Variants in EXOC6B observed in about 807,000 individuals in gnomAD.
The protein encoded by EXOC6B is SEC15 homolog B.
EXOC6B carries 54 observed loss-of-function variants against 113.5 expected under a neutral mutation model. That is an observed-to-expected ratio of 0.48 (90% CI 0.38 to 0.60). The LOEUF is 0.60. EXOC6B is among the 20% of genes least tolerant of loss of function. The pLI, the probability that EXOC6B is intolerant of heterozygous loss-of-function variation, is 0.00. For synonymous variants in EXOC6B, 357 were observed against 339.0 expected (o/e 1.05, Z -0.58); for missense variants, 797 against 977.5 (o/e 0.82, Z 2.46).
chr2:72,674,910 T>C (rs752767698), intron 6 of EXOC6B, among the ~76,000 whole-genome samples: 4 of 152,228 alleles, frequency 2.6e-5, no homozygotes, highest in Non-Finnish European at 4.4e-5. Context: ...ATACACAGTG[T>C]CAATGTAACT....
intron 6 of EXOC6B, among the ~76,000 whole-genome samples, chr2:72,660,088 C>T (rs1164800921): frequency 6.9e-6 from 1 of 144,882 alleles, no homozygotes; most frequent in Non-Finnish European, 1.5e-5. Context: ...CATCAATCCT[C>T]TTTTTTTTTT....
intron 17 of EXOC6B, among the ~76,000 whole-genome samples, chr2:72,478,101 T>G (rs1373863476): frequency 2.0e-5 from 3 of 152,186 alleles, no homozygotes; most frequent in African/African-American, 7.2e-5. Flanking sequence ...GGGTGTCTTC[T>G]CTGTAAATCA....
At chr2:72,321,738 C>T (rs780981811) in intron 20 of EXOC6B, among the ~76,000 whole-genome samples, 6 of 151,788 alleles carry the variant, frequency 4.0e-5, no homozygotes, top group African/African-American at 9.7e-5. Context: ...CAGTAGAGGG[C>T]GAAGAGTCAT....
intron 18 of EXOC6B, among the ~76,000 whole-genome samples, chr2:72,412,271 G>A (rs1420596164): frequency 6.6e-6 from 1 of 152,164 alleles, no homozygotes; most frequent in East Asian, 1.9e-4. Flanking sequence ...ATAGGCTGAA[G>A]GAAAATTAGG....
chr2:72,234,965 T>C (rs1235126258), intron 20 of EXOC6B, among the ~76,000 whole-genome samples: 1 of 152,170 alleles, frequency 6.6e-6, no homozygotes, highest in Non-Finnish European at 1.5e-5. Context: ...GTAAATTAGT[T>C]CAGCCATTGT....
At chr2:72,578,214 G>A (rs1018064943) in intron 6 of EXOC6B, among the ~76,000 whole-genome samples, 1 of 151,966 alleles carries the variant, frequency 6.6e-6, no homozygotes, top group Non-Finnish European at 1.5e-5. Flanking sequence ...ACCTAATACA[G>A]CCAGGCTCTT....
chr2:72,447,648 A>G (rs999105726), intron 18 of EXOC6B, among the ~76,000 whole-genome samples: 1 of 152,200 alleles, frequency 6.6e-6, no homozygotes, highest in Non-Finnish European at 1.5e-5. Context: ...TCTATTAATA[A>G]TAATGCAACC....
At chr2:72,492,458 T>C (rs1284470473) in intron 15 of EXOC6B, 29 bp from the exon 16 acceptor site, 1 of 1,421,070 alleles carries the variant, frequency 7.0e-7, no homozygotes, top group Non-Finnish European at 9.9e-7. Context: ...GAGTCAGTCA[T>C]AGCAGGTAGC....
At chr2:72,611,234 C>G (rs1168002700) in intron 6 of EXOC6B, among the ~76,000 whole-genome samples, 5 of 151,930 alleles carry the variant, frequency 3.3e-5, no homozygotes, top group African/African-American at 1.2e-4. Flanking sequence ...CATGGTGGCA[C>G]ATGCCTATAA....
rs111332882 is a variant in EXOC6B at position 72,580,193 on chromosome 2, G to A, written c.670-4525C>T. Among the ~76,000 whole-genome samples, 457 of 138,502 alleles carry A rather than the reference G, an allele frequency of 3.3e-3. 2 individuals carry two copies. Among genetic ancestry groups the A allele is most frequent in the African/African-American group, 0.012 (433 of 36,122 alleles). 90.9% of individuals were successfully genotyped at this position (138,502 alleles called of 152,430 possible). A position where few individuals can be genotyped will look rare whatever the true frequency, so the allele number is the denominator to read the frequency against. The stretch of plus-strand genomic sequence containing the variant: ...GGGTCTCACTGTCATCCAGGCTAGA[G>A]TGCAGTGGCGCGATATCGGCTCACT... On this transcript the variant is annotated intron_variant, in intron 6 of 21. Coordinates refer to ENST00000272427, the MANE Select transcript of EXOC6B (RefSeq NM_015189.3).
chr2:72,258,483 C>T (rs1162605089), intron 20 of EXOC6B, among the ~76,000 whole-genome samples: 1 of 150,710 alleles, frequency 6.6e-6, no homozygotes, highest in Non-Finnish European at 1.5e-5. Flanking sequence ...CTCACCTTAG[C>T]CTCCTGAGTA....
At chr2:72,642,251 T>A (rs1673306062) in intron 6 of EXOC6B, among the ~76,000 whole-genome samples, 2 of 148,954 alleles carry the variant, frequency 1.3e-5, no homozygotes, top group Non-Finnish European at 3.0e-5. Flanking sequence ...TTCACAGAAT[T>A]GGAAAAAACT....
At chr2:72,549,660 T>C (rs995709094) in intron 8 of EXOC6B, among the ~76,000 whole-genome samples, 3 of 152,164 alleles carry the variant, frequency 2.0e-5, no homozygotes, top group Admixed American at 2.0e-4. Context: ...AGGCAATACA[T>C]ATAAGTCCAA....
At chr2:72,774,345 A>C (rs368918493) in intron 1 of EXOC6B, among the ~76,000 whole-genome samples, 1 of 152,222 alleles carries the variant, frequency 6.6e-6, no homozygotes, top group South Asian at 2.1e-4. Flanking sequence ...ATCTAATCAT[A>C]ATAAATAATA....
intron 20 of EXOC6B, among the ~76,000 whole-genome samples, chr2:72,253,929 G>A (rs1683182741): frequency 6.6e-6 from 1 of 152,168 alleles, no homozygotes; most frequent in Admixed American, 6.5e-5. Flanking sequence ...GGGAGGCTGA[G>A]GCGGGTGGAT....
intron 18 of EXOC6B, among the ~76,000 whole-genome samples, chr2:72,447,098 G>A (rs1411774434): frequency 6.7e-6 from 1 of 148,154 alleles, no homozygotes; most frequent in Non-Finnish European, 1.5e-5. Context: ...GTGAGACTTC[G>A]TCTCAAAAAA....
chr2:72,662,714 A>T (rs1364162733), intron 6 of EXOC6B, among the ~76,000 whole-genome samples: 2 of 152,140 alleles, frequency 1.3e-5, no homozygotes, highest in Non-Finnish European at 2.9e-5. Flanking sequence ...TGGAAATGCA[A>T]AATGGCCCAG....
intron 17 of EXOC6B, among the ~76,000 whole-genome samples, chr2:72,477,827 A>T (rs941911255): frequency 6.6e-6 from 1 of 152,204 alleles, no homozygotes; most frequent in African/African-American, 2.4e-5. Flanking sequence ...ATGCATATCC[A>T]TCAGAAATCC....
intron 6 of EXOC6B, among the ~76,000 whole-genome samples, chr2:72,650,083 C>A (rs1189813584): frequency 1.3e-5 from 2 of 152,188 alleles, no homozygotes; most frequent in Admixed American, 1.3e-4. Flanking sequence ...ACTTCCGCCT[C>A]CTGTCAGATC....
Sources: allele counts gnomAD v4.1 joint callset (sites outside exome capture counted in the v4.1 genomes callset), GRCh38; gene constraint gnomAD v4.1.1; transcripts MANE v1.5; gene names NCBI Gene and HGNC (gene_info 2026-07-23, HGNC 2026-07-21).